STS: variants seen among roughly 807,000 people sequenced by gnomAD.
STS encodes the protein steryl-sulfatase.
Under a neutral mutation model 26.8 loss-of-function variants are expected in STS, and 7 were observed. The ratio of observed to expected loss-of-function variants is 0.26; its 90% CI spans 0.15 to 0.49. STS has a LOEUF of 0.49. Among genes scored for constraint, STS ranks in the 20% least tolerant of loss-of-function variants. STS has a pLI of 0.98. For missense variants in STS, 434 were observed against 465.6 expected (o/e 0.93, Z 0.63); for synonymous variants, 199 against 189.4 (o/e 1.05, Z -0.42).
At chrX:7,260,910 T>C (rs1207867342) in intron 6 of STS, among the ~76,000 whole-genome samples, 2 of 111,533 alleles carry the variant, frequency 1.8e-5, no homozygotes, top group African/African-American at 6.5e-5. Flanking sequence ...GTCTGTCAGG[T>C]CCCATTGAGT....
chrX:7,328,751 G>C (rs1291892729), intron 9 of STS, among the ~76,000 whole-genome samples: 1 of 110,742 alleles, frequency 9.0e-6, no homozygotes, highest in Non-Finnish European at 1.9e-5. Flanking sequence ...AATAGAGACG[G>C]GGTTTCACTA....
At chrX:7,190,473 C>A (rs1933852149) in intron 1 of STS, among the ~76,000 whole-genome samples, 1 of 111,248 alleles carries the variant, frequency 9.0e-6, no homozygotes, top group Non-Finnish European at 1.9e-5. Context: ...GGGTTGGGAA[C>A]CCCTGCTGCA....
chrX:7,265,153 G>A (rs1420821279), intron 6 of STS, among the ~76,000 whole-genome samples: 1 of 110,425 alleles, frequency 9.1e-6, no homozygotes, highest in Non-Finnish European at 1.9e-5. Context: ...TGATAAACAG[G>A]AGCACAGCCA....
At chrX:7,292,299 T>A (rs1332436403) in intron 7 of STS, among the ~76,000 whole-genome samples, 2 of 112,544 alleles carry the variant, frequency 1.8e-5, no homozygotes, top group Non-Finnish European at 3.8e-5. Flanking sequence ...TGGGGATGCA[T>A]CTGTACAAAA....
intron 10 of STS, among the ~76,000 whole-genome samples, chrX:7,340,996 T>C (rs1301992469): frequency 9.0e-6 from 1 of 111,659 alleles, no homozygotes; most frequent in Non-Finnish European, 1.9e-5. Context: ...AGAGTTTTGT[T>C]ATGGGTGTTC....
chrX:7,273,738 A>G lies in STS; in HGVS notation c.807-2213A>G, dbSNP rs193215712. ...TTGGGTCTTCATTCTCAAGGCTCCT[A>G]TGTGTACACATTAAATGAATTTGTA... On this transcript the variant is annotated intron_variant, in intron 6 of 10. Transcript: ENST00000674429. 4.6e-4 allele frequency among the ~76,000 whole-genome samples: 51 copies of G among 111,512 alleles called. No individual in the cohort carries two copies. In the East Asian group the frequency reaches 9.3e-3, roughly 20 times the overall value.
At chrX:7,274,448 A>C (rs1288657676) in intron 6 of STS, among the ~76,000 whole-genome samples, 1 of 111,852 alleles carries the variant, frequency 8.9e-6, no homozygotes, top group Non-Finnish European at 1.9e-5. Flanking sequence ...AGCAGAAAGG[A>C]ATTGCTAATT....
chrX:7,160,717 C>G (rs1236963991), intron 1 of STS, among the ~76,000 whole-genome samples: 23 of 112,257 alleles, frequency 2.0e-4, no homozygotes, highest in African/African-American at 7.1e-4. Flanking sequence ...TGATTTTAAG[C>G]TTTCAACTTA....
chrX:7,263,458 C>T (rs769995213), intron 6 of STS, among the ~76,000 whole-genome samples: 54 of 112,795 alleles, frequency 4.8e-4, no homozygotes, highest in Non-Finnish European at 9.4e-4. Context: ...ATTGCAGTTG[C>T]CTGCAGTACT....
intron 1 of STS, among the ~76,000 whole-genome samples, chrX:7,189,561 A>G (rs1288823055): frequency 1.8e-5 from 2 of 112,014 alleles, no homozygotes; most frequent in East Asian, 5.6e-4. Flanking sequence ...ACATATCCCA[A>G]AATAATATCC....
chrX:7,273,601 C>T (rs1446478989), intron 6 of STS, among the ~76,000 whole-genome samples: 1 of 111,609 alleles, frequency 9.0e-6, no homozygotes, highest in Non-Finnish European at 1.9e-5. Flanking sequence ...CCGGCTTTCC[C>T]CACTCAGTTC....
chrX:7,348,239 G>T (rs1928614492), intron 10 of STS, among the ~76,000 whole-genome samples: 2 of 111,997 alleles, frequency 1.8e-5, no homozygotes, highest in Admixed American at 1.9e-4. Context: ...CCTTGTCCAA[G>T]GTTAGGGGCG....
intron 1 of STS, among the ~76,000 whole-genome samples, chrX:7,171,042 C>T (rs1199203823): frequency 9.0e-6 from 1 of 111,694 alleles, no homozygotes; most frequent in East Asian, 2.8e-4. Flanking sequence ...CATATGATTG[C>T]AAGGTCATGA....
chrX:7,252,174 GA>G, intron 2 of STS: 1 of 380,665 alleles, frequency 2.6e-6, no homozygotes, highest in Non-Finnish European at 3.4e-6. Context: ...ATGAGAAACA[GA>G]AAGAGAAAGT....
intron 10 of STS, 88 bp from the exon 11 acceptor site, chrX:7,349,800 G>T: frequency 8.7e-7 from 1 of 1,145,346 alleles, no homozygotes; most frequent in Non-Finnish European, 1.2e-6. Flanking sequence ...AAAGCACATG[G>T]CAGCATAATT....
intron 1 of STS, among the ~76,000 whole-genome samples, chrX:7,159,707 A>G (rs952734298): frequency 6.2e-5 from 7 of 112,155 alleles, no homozygotes; most frequent in African/African-American, 1.6e-4. Flanking sequence ...CTGGCACCCA[A>G]AGCTCCTCCA....
intron 1 of STS, among the ~76,000 whole-genome samples, chrX:7,164,101 G>A (rs1935146262): frequency 8.9e-6 from 1 of 111,909 alleles, no homozygotes; most frequent in African/African-American, 3.2e-5. Context: ...TGGGATTACA[G>A]GCGTCAGCTA....
At chrX:7,336,711 T>C (rs1046644866) in intron 10 of STS, among the ~76,000 whole-genome samples, 66 of 112,451 alleles carry the variant, frequency 5.9e-4, no homozygotes, top group African/African-American at 1.8e-3. Context: ...TTTCTTTTCA[T>C]ATGGAGCCGG....
At chrX:7,260,891 G>T (rs1923710658) in intron 6 of STS, among the ~76,000 whole-genome samples, 1 of 111,875 alleles carries the variant, frequency 8.9e-6, no homozygotes, top group Non-Finnish European at 1.9e-5. Context: ...AGTGAATGAT[G>T]TCTCTTGGGT....
Sources: gnomAD v4.1 joint callset for allele counts (sites outside exome capture counted in the v4.1 genomes callset) on GRCh38, gnomAD v4.1.1 for gene constraint, MANE v1.5 for transcripts, NCBI Gene and HGNC (gene_info 2026-07-23, HGNC 2026-07-21) for gene names.